The following ARHGEF4 variants were observed in gnomAD, a reference collection of about 807,000 sequenced individuals.
The protein encoded by ARHGEF4 is APC-stimulated guanine nucleotide exchange factor 1.
ARHGEF4 carries 119 observed loss-of-function variants against 162.0 expected under a neutral mutation model. That is an observed-to-expected ratio of 0.73 (90% CI 0.63 to 0.86). The LOEUF (loss-of-function observed/expected upper bound fraction) is 0.86. ARHGEF4 is among the 40% of genes least tolerant of loss of function. The pLI is 0.00. For synonymous variants in ARHGEF4, 1,014 were observed against 979.9 expected, an observed-to-expected ratio of 1.03 and a Z score of -0.65; for missense variants, 2,488 against 2,456.0, an observed-to-expected ratio of 1.01 and a Z score of -0.28.
intron 4 of ARHGEF4, among the ~76,000 whole-genome samples, chr2:130,955,183 C>T (rs1684194387): frequency 6.6e-6 from 1 of 152,172 alleles, no homozygotes; most frequent in Admixed American, 6.5e-5. Context: ...ACACTGTCAT[C>T]ACATCTTTTG....
chr2:130,855,006 T>C (rs1681669066), intron 1 of ARHGEF4, among the ~76,000 whole-genome samples: 1 of 151,834 alleles, frequency 6.6e-6, no homozygotes, highest in Admixed American at 6.6e-5. Flanking sequence ...CCCGAGTAGC[T>C]GGGACAACAG....
intron 4 of ARHGEF4, among the ~76,000 whole-genome samples, chr2:131,005,194 C>A (rs1688042300): frequency 6.6e-6 from 1 of 152,196 alleles, no homozygotes; most frequent in Non-Finnish European, 1.5e-5. Flanking sequence ...CATCCGCAGT[C>A]AGCAGTGGGC....
At chr2:131,039,405 G>A in intron 6 of ARHGEF4, 1 of 1,051,940 alleles carries the variant, frequency 9.5e-7, no homozygotes, top group Non-Finnish European at 1.1e-6. Context: ...TACACCTGAA[G>A]AAGTTGAGGC....
intron 1 of ARHGEF4, among the ~76,000 whole-genome samples, chr2:130,879,625 A>T (rs1679069357): frequency 6.6e-6 from 1 of 151,462 alleles, no homozygotes; most frequent in Non-Finnish European, 1.5e-5. Context: ...CCATCGTTTC[A>T]CTCCTTGTTT....
chr2:130,935,287 C>T (rs533909070), intron 3 of ARHGEF4, among the ~76,000 whole-genome samples: 72 of 152,198 alleles, frequency 4.7e-4, no homozygotes, highest in African/African-American at 1.7e-3. Flanking sequence ...GTTTGCCCAC[C>T]TCAGCCTCCC....
rs1447377640 is a variant in ARHGEF4, at chr2:131,046,273, C to T, written c.*84C>T. On this transcript the variant is annotated 3_prime_UTR_variant, in exon 14 of 14. Coordinates refer to ENST00000409359, the MANE Select transcript of ARHGEF4 (RefSeq NM_001367493.1). Reference sequence around the variant, plus strand: ...TTCCCCGAGGCCCACTCGGCCTGGCCTTCCTCTGCCTGCAAGTGAGCAGGG... The same window carrying T: ...TTCCCCGAGGCCCACTCGGCCTGGCTTTCCTCTGCCTGCAAGTGAGCAGGG... The T allele has an allele frequency of 2.9e-6, 4 of 1,394,484 alleles. No homozygotes were observed. Among genetic ancestry groups the T allele is most frequent in the Non-Finnish European group, 3.9e-6 (4 of 1,024,258 alleles). The allele number at this position is 1,394,484 out of a possible 1,614,324, so 86.4% of individuals were successfully genotyped here.
intron 5 of ARHGEF4, among the ~76,000 whole-genome samples, chr2:131,038,207 GA>G (rs1378853782): frequency 6.6e-6 from 1 of 152,114 alleles, no homozygotes; most frequent in Non-Finnish European, 1.5e-5. Context: ...AAGCCCACAG[GA>G]GGGCACCAGC....
At chr2:131,043,178 C>T (rs984127098) in intron 10 of ARHGEF4, among the ~76,000 whole-genome samples, 2 of 152,220 alleles carry the variant, frequency 1.3e-5, no homozygotes, top group Non-Finnish European at 2.9e-5. Flanking sequence ...ATGTATCTTA[C>T]ACTGACATCA....
At chr2:130,886,722 C>A (rs2104975911) in intron 1 of ARHGEF4, among the ~76,000 whole-genome samples, 1 of 151,040 alleles carries the variant, frequency 6.6e-6, no homozygotes, top group Middle Eastern at 3.5e-3. Flanking sequence ...CCTTCAATAT[C>A]TGGTAAAATT....
At chr2:130,879,809 C>T (rs752489158) in intron 1 of ARHGEF4, among the ~76,000 whole-genome samples, 5 of 152,040 alleles carry the variant, frequency 3.3e-5, no homozygotes, top group Non-Finnish European at 7.3e-5. Flanking sequence ...GACAAGGTCT[C>T]GCTCTGTCTC....
At chr2:130,975,955 T>A (rs931773831) in intron 4 of ARHGEF4, among the ~76,000 whole-genome samples, 1 of 152,040 alleles carries the variant, frequency 6.6e-6, no homozygotes, top group Admixed American at 6.5e-5. Context: ...GTTTCTTAGG[T>A]AAGAAAGATG....
In ARHGEF4 at chr2:131,031,367, T is replaced by A. The variant is rs537472794; in HGVS notation, c.4125+3283T>A. Among the ~76,000 whole-genome samples, 343 of 152,354 alleles carry A rather than the reference T, an allele frequency of 2.3e-3. 1 individual carries two copies. The highest frequency in any genetic ancestry group is 3.9e-3 in the Non-Finnish European group (267 of 68,030). ...GCATTCCAGGTACATGAGGAGTGAT[T>A]TTTATGCTTGCACACAGATGTGTGT... On this transcript the variant is annotated intron_variant, in intron 5 of 13. Coordinates refer to ENST00000409359, the MANE Select transcript of ARHGEF4 (RefSeq NM_001367493.1).
At chr2:130,998,974 A>G (rs1687580215) in intron 4 of ARHGEF4, among the ~76,000 whole-genome samples, 1 of 152,116 alleles carries the variant, frequency 6.6e-6, no homozygotes, top group Non-Finnish European at 1.5e-5. Context: ...CTCATCAGCA[A>G]TTGGGGTTGT....
chr2:130,916,301 G>C lies in ARHGEF4; in HGVS notation c.2355G>C (p.Ala785=), dbSNP rs767942855. Residue 785 remains alanine, a synonymous_variant, in exon 2 of 14, where the codon GCG becomes GCC. Coordinates refer to ENST00000409359, the MANE Select transcript of ARHGEF4 (RefSeq NM_001367493.1). ...PQPPRGLRKG[A]QEPGKRPTFS... ...CGCCACGCGGGCTCCGCAAGGGCGC[G>C]CAGGAGCCTGGGAAGCGCCCGACGT... 5.2e-6 allele frequency: 8 copies of C among 1,540,608 alleles called. No homozygotes were observed. In the South Asian group the frequency reaches 9.6e-5, roughly 19 times the overall value.
Position 131,040,056 on chromosome 2 carries a change from C to A in ARHGEF4, c.4346C>A (p.Pro1449His). Residue 1449 changes from proline to histidine, a missense_variant, in exon 7 of 14, where the codon CCT becomes CAT. Pro to His is a moderately conservative substitution (Grantham distance 77, BLOSUM62 -2). Coordinates refer to ENST00000409359, the MANE Select transcript of ARHGEF4 (RefSeq NM_001367493.1). ...NQDEPADDDA[P>H]LAGNSGAEDG... Reference sequence around the variant, plus strand: ...GACGAGCCCGCGGATGACGACGCCCCTCTGGCCGGGAACAGCGGAGCGGAG... The same window carrying A: ...GACGAGCCCGCGGATGACGACGCCCATCTGGCCGGGAACAGCGGAGCGGAG... The A allele has an allele frequency of 6.3e-7, 1 of 1,587,834 alleles. No individual in the cohort carries two copies. Among genetic ancestry groups the A allele is most frequent in the Non-Finnish European group, 8.6e-7 (1 of 1,168,056 alleles).
At chr2:130,872,938 C>G (rs1678585782) in intron 1 of ARHGEF4, among the ~76,000 whole-genome samples, 1 of 152,216 alleles carries the variant, frequency 6.6e-6, no homozygotes. Context: ...ACATGCCTAC[C>G]TGGGGCATGC....
At chr2:130,887,811 C>T (rs1420609015) in intron 1 of ARHGEF4, among the ~76,000 whole-genome samples, 1 of 152,102 alleles carries the variant, frequency 6.6e-6, no homozygotes, top group Non-Finnish European at 1.5e-5. Context: ...TCCAGGACGG[C>T]GTCCTTTGCC....
chr2:130,938,381 G>A (rs1683091673), intron 3 of ARHGEF4, among the ~76,000 whole-genome samples: 1 of 152,160 alleles, frequency 6.6e-6, no homozygotes, highest in South Asian at 2.1e-4. Flanking sequence ...TAGTGGTGTA[G>A]TGATAACTCA....
At chr2:131,045,497 G>A (rs754908491) in intron 13 of ARHGEF4, 51 bp downstream of exon 13, 1 of 1,613,610 alleles carries the variant, frequency 6.2e-7, no homozygotes, top group Non-Finnish European at 8.5e-7. Flanking sequence ...TTACCCTGCT[G>A]ACATCATTCC....
Sources: gnomAD v4.1 joint callset for allele counts (sites outside exome capture counted in the v4.1 genomes callset) on GRCh38, gnomAD v4.1.1 for gene constraint, MANE v1.5 for transcripts, NCBI Gene and HGNC (gene_info 2026-07-23, HGNC 2026-07-21) for gene names.